The following NELL1 variants were observed in gnomAD, a reference collection of about 807,000 sequenced individuals.
NELL1 encodes protein kinase C-binding protein NELL1.
In NELL1, 76 loss-of-function variants were observed where a neutral mutation model predicts 107.4. The ratio of observed to expected loss-of-function variants is 0.71; its 90% CI spans 0.59 to 0.86. The LOEUF is 0.86. Ranked by LOEUF, NELL1 falls within the 40% of genes least tolerant of loss-of-function variation. The pLI is 0.00. For synonymous variants in NELL1, 353 were observed against 341.2 expected (o/e 1.03, Z -0.38); for missense variants, 1,024 against 1,005.5 (o/e 1.02, Z -0.25).
At chr11:20,735,709 A>C (rs1855746449) in intron 2 of NELL1, among the ~76,000 whole-genome samples, 1 of 152,204 alleles carries the variant, frequency 6.6e-6, no homozygotes, top group South Asian at 2.1e-4. Context: ...TTAAAAGAGA[A>C]AGGATGGTAA....
chr11:21,299,141 A>G (rs1046140743), intron 14 of NELL1, among the ~76,000 whole-genome samples: 4 of 152,014 alleles, frequency 2.6e-5, no homozygotes, highest in Admixed American at 1.3e-4. Flanking sequence ...GAAGTCATCT[A>G]TTTAAACAGA....
intron 4 of NELL1, among the ~76,000 whole-genome samples, chr11:20,859,556 C>T (rs1284297574): frequency 1.3e-5 from 2 of 152,144 alleles, no homozygotes; most frequent in East Asian, 1.9e-4. Context: ...CACTAGTCTC[C>T]AGTGTTACGT....
intron 5 of NELL1, among the ~76,000 whole-genome samples, chr11:20,900,939 T>G (rs1163283015): frequency 1.3e-5 from 2 of 152,116 alleles, no homozygotes; most frequent in Non-Finnish European, 2.9e-5. Context: ...TCATTAAAAA[T>G]TCTTAGCAAA....
Position 21,575,236 on chromosome 11 carries a change from C to A in NELL1, c.*214C>A, listed in dbSNP as rs1857194010. On this transcript the variant is annotated 3_prime_UTR_variant, in exon 20 of 20. Transcript: ENST00000357134. ...AACCTAGTCTAGGTGACCTACAGTG[C>A]CGTGCATTTAAGTCAATGGTTGTTA... The A allele has an allele frequency of 1.9e-5, 10 of 522,278 alleles. No individual in the cohort carries two copies. The South Asian group carries it at 2.7e-4, about 14-fold the overall frequency. 32.4% of individuals were successfully genotyped at this position (522,278 alleles called of 1,614,324 possible).
chr11:20,792,728 A>T (rs1369736392), intron 3 of NELL1, among the ~76,000 whole-genome samples: 1 of 151,980 alleles, frequency 6.6e-6, no homozygotes, highest in Non-Finnish European at 1.5e-5. Flanking sequence ...CTAATGCTTT[A>T]GTTAGGATCT....
At chr11:20,725,964 A>G (rs115218093) in intron 2 of NELL1, among the ~76,000 whole-genome samples, 169 of 152,224 alleles carry the variant, frequency 1.1e-3, no homozygotes, top group African/African-American at 3.9e-3. Flanking sequence ...ATGTTTCCCA[A>G]TGTTTAGCTC....
chr11:21,403,206 A>T (rs986720267), intron 15 of NELL1, among the ~76,000 whole-genome samples: 1 of 151,658 alleles, frequency 6.6e-6, no homozygotes. Context: ...TCTTTACTGT[A>T]TTGAAGGGGG....
intron 12 of NELL1, among the ~76,000 whole-genome samples, chr11:20,970,380 T>C (rs749063534): frequency 2.1e-5 from 3 of 142,650 alleles, no homozygotes; most frequent in Non-Finnish European, 4.6e-5. Flanking sequence ...GGCTGGGTCT[T>C]GTGTTGGCTA....
chr11:21,422,455 T>C (rs1247808969), intron 15 of NELL1, among the ~76,000 whole-genome samples: 17 of 152,162 alleles, frequency 1.1e-4, no homozygotes, highest in Middle Eastern at 3.2e-3. Flanking sequence ...ACATAATACA[T>C]AATTTTATTT....
At chr11:20,796,173 G>A (rs989754512) in intron 3 of NELL1, among the ~76,000 whole-genome samples, 17 of 152,128 alleles carry the variant, frequency 1.1e-4, no homozygotes, top group Non-Finnish European at 2.1e-4. Flanking sequence ...CCCACCATTT[G>A]AAATAGTAAT....
At chr11:20,793,383 TTTC>T (rs1322025475) in intron 3 of NELL1, among the ~76,000 whole-genome samples, 3 of 152,040 alleles carry the variant, frequency 2.0e-5, no homozygotes, top group Non-Finnish European at 4.4e-5. Context: ...ATATGTGTGT[TTTC>T]TTCTTTTCTT....
At position 20,677,866 on chromosome 11, in the gene NELL1, C is replaced by T; in HGVS notation, c.56-66C>T. The stretch of plus-strand genomic sequence containing the variant: ...TTGTATTCCCTGCCACTCCCCGACT[C>T]TGTAACCTCTGAATGCTAGTAACAG... On this transcript the variant is annotated intron_variant, in intron 1 of 19. Coordinates refer to ENST00000357134, the MANE Select transcript of NELL1 (RefSeq NM_006157.5). 4 of 1,592,444 alleles carry T rather than the reference C, an allele frequency of 2.5e-6. No individual in the cohort carries two copies. In the South Asian group the frequency reaches 4.4e-5, roughly 18 times the overall value.
intron 2 of NELL1, among the ~76,000 whole-genome samples, chr11:20,715,620 C>G (rs1366657534): frequency 2.0e-5 from 3 of 152,174 alleles, no homozygotes; most frequent in Non-Finnish European, 4.4e-5. Flanking sequence ...TAAGAGACAC[C>G]AGAGGACATC....
chr11:20,823,140 G>C (rs1857797184), intron 3 of NELL1, among the ~76,000 whole-genome samples: 1 of 151,428 alleles, frequency 6.6e-6, no homozygotes, highest in Non-Finnish European at 1.5e-5. Flanking sequence ...AAAGAAAGAA[G>C]TTTAATTGGA....
intron 12 of NELL1, among the ~76,000 whole-genome samples, chr11:20,980,084 A>G (rs1039261268): frequency 2.6e-5 from 4 of 152,150 alleles, no homozygotes; most frequent in Non-Finnish European, 5.9e-5. Flanking sequence ...TTGAATCACT[A>G]AAGTTTTTTA....
intron 2 of NELL1, among the ~76,000 whole-genome samples, chr11:20,769,760 C>T (rs190544862): frequency 3.0e-4 from 45 of 152,254 alleles, no homozygotes; most frequent in African/African-American, 8.7e-4. Context: ...GTTGTCCCCA[C>T]GGAGCCCCCC....
chr11:21,233,032 T>C (rs1858105380), intron 14 of NELL1, among the ~76,000 whole-genome samples: 1 of 152,228 alleles, frequency 6.6e-6, no homozygotes, highest in Non-Finnish European at 1.5e-5. Context: ...TGACTAAATC[T>C]GGTTAGAAGT....
At chr11:21,436,483 T>A (rs1307570643) in intron 15 of NELL1, among the ~76,000 whole-genome samples, 1 of 152,204 alleles carries the variant, frequency 6.6e-6, no homozygotes, top group Non-Finnish European at 1.5e-5. Context: ...TAGTATCATT[T>A]GTAATGTCTC....
intron 13 of NELL1, among the ~76,000 whole-genome samples, chr11:21,143,578 T>C (rs1203304307): frequency 1.3e-5 from 2 of 152,190 alleles, no homozygotes; most frequent in Admixed American, 6.5e-5. Context: ...AAGGCCCTCT[T>C]CTTCAAACAT....
Sources: allele counts gnomAD v4.1 joint callset (sites outside exome capture counted in the v4.1 genomes callset), GRCh38; gene constraint gnomAD v4.1.1; transcripts MANE v1.5; gene names NCBI Gene and HGNC (gene_info 2026-07-23, HGNC 2026-07-21).